TMCO4: variants seen among roughly 807,000 people sequenced by gnomAD.
The protein encoded by TMCO4 is transmembrane and coiled-coil domain-containing protein 4.
In TMCO4, 58 loss-of-function variants were observed where a neutral mutation model predicts 64.7. That is an observed-to-expected ratio of 0.90 (90% CI 0.73 to 1.12). TMCO4 has a LOEUF of 1.12. TMCO4 is among the 50% of genes most tolerant of loss of function. The pLI is 0.00. For synonymous variants in TMCO4, 325 were observed against 346.1 expected (o/e 0.94, Z 0.68); for missense variants, 780 against 825.9 (o/e 0.94, Z 0.68).
At chr1:19,723,928 T>G (rs1197603686) in intron 13 of TMCO4, among the ~76,000 whole-genome samples, 1 of 152,182 alleles carries the variant, frequency 6.6e-6, no homozygotes, top group East Asian at 1.9e-4. Context: ...CTGCCTTCTT[T>G]AAATAACAGA....
intron 15 of TMCO4, among the ~76,000 whole-genome samples, chr1:19,688,669 G>A (rs1411309613): frequency 6.6e-6 from 1 of 152,148 alleles, no homozygotes; most frequent in Non-Finnish European, 1.5e-5. Context: ...AGGTTCATCC[G>A]GCTCTACCAC....
intron 6 of TMCO4, among the ~76,000 whole-genome samples, chr1:19,769,199 G>A (rs56037228): frequency 0.12 from 17,822 of 152,086 alleles, 1,141 homozygotes; most frequent in Non-Finnish European, 0.13. Context: ...TGCAGCTGGC[G>A]CCAGACCACT....
At chr1:19,717,681 C>T (rs751118392) in intron 13 of TMCO4, among the ~76,000 whole-genome samples, 14 of 152,084 alleles carry the variant, frequency 9.2e-5, no homozygotes, top group East Asian at 1.9e-4. Context: ...CTGCCTGCCT[C>T]GAAGCCTCTC....
At chr1:19,748,685 C>T (rs540700997) in intron 7 of TMCO4, among the ~76,000 whole-genome samples, 2 of 152,122 alleles carry the variant, frequency 1.3e-5, no homozygotes, top group East Asian at 1.9e-4. Context: ...ATTAGCCAGG[C>T]GTGGGGGCAG....
Position 19,682,383 on chromosome 1 carries a change from TAGTG to T in TMCO4, c.*653_*656del. 1 of 521,574 alleles carries T rather than the reference TAGTG, an allele frequency of 1.9e-6. No homozygotes were observed. The highest frequency in any genetic ancestry group is 1.9e-5 in the African/African-American group (1 of 52,934). The allele number at this position is 521,574 out of a possible 1,614,324, so 32.3% of individuals were successfully genotyped here. A position where few individuals can be genotyped will look rare whatever the true frequency, so the allele number is the denominator to read the frequency against. On this transcript the variant is annotated 3_prime_UTR_variant, in exon 16 of 16. Coordinates refer to ENST00000294543, the MANE Select transcript of TMCO4 (RefSeq NM_181719.7). ...TCAGCATGTATTCACCATGCTCTGT[TAGTG>T]GTGTCCAGATGTTGCATGACGGGGG...
intron 13 of TMCO4, among the ~76,000 whole-genome samples, chr1:19,704,714 C>T (rs2095293369): frequency 6.6e-6 from 1 of 152,172 alleles, no homozygotes; most frequent in South Asian, 2.1e-4. Context: ...AGGGCTGGGA[C>T]CCCTTGTGGC....
chr1:19,747,064 C>G, intron 8 of TMCO4, 99 bp downstream of exon 8: 1 of 1,243,978 alleles, frequency 8.0e-7, no homozygotes. Flanking sequence ...GGGCCACCTC[C>G]CAGCTGAGCC....
At chr1:19,799,641 C>T (rs2044504081) in intron 1 of TMCO4, among the ~76,000 whole-genome samples, 1 of 152,246 alleles carries the variant, frequency 6.6e-6, no homozygotes, top group South Asian at 2.1e-4. Context: ...AACAAACCAA[C>T]CACCAGCAGG....
intron 15 of TMCO4, among the ~76,000 whole-genome samples, chr1:19,684,766 A>G (rs1048134516): frequency 1.2e-4 from 19 of 152,172 alleles, no homozygotes; most frequent in African/African-American, 4.6e-4. Flanking sequence ...CCATGAGTTG[A>G]AGCGGTAGTG....
intron 6 of TMCO4, among the ~76,000 whole-genome samples, chr1:19,757,603 C>G (rs1057291613): frequency 2.0e-5 from 3 of 152,134 alleles, no homozygotes; most frequent in African/African-American, 7.2e-5. Context: ...AACCCTTGAC[C>G]TGGCTCAACC....
chr1:19,696,332 T>C (rs914266412), intron 14 of TMCO4, among the ~76,000 whole-genome samples: 1 of 152,014 alleles, frequency 6.6e-6, no homozygotes, highest in Admixed American at 6.6e-5. Flanking sequence ...GGAGGATTGC[T>C]CGGGCCCAGG....
At chr1:19,735,456 A>G (rs549549851) in intron 13 of TMCO4, among the ~76,000 whole-genome samples, 2 of 152,268 alleles carry the variant, frequency 1.3e-5, no homozygotes, top group African/African-American at 4.8e-5. Context: ...CAGGGGTGGG[A>G]GCAGCGAGCA....
chr1:19,786,156 G>A (rs2043732267), intron 3 of TMCO4, among the ~76,000 whole-genome samples: 1 of 152,168 alleles, frequency 6.6e-6, no homozygotes, highest in Non-Finnish European at 1.5e-5. Flanking sequence ...TATGAGGCAG[G>A]AGCATCGCTT....
intron 13 of TMCO4, among the ~76,000 whole-genome samples, chr1:19,716,913 C>A (rs927335430): frequency 5.9e-5 from 9 of 152,122 alleles, no homozygotes; most frequent in Admixed American, 2.6e-4. Context: ...CAGGGCCGGG[C>A]GCGGTGGCTC....
At chr1:19,740,463 A>G (rs1209718382) in intron 11 of TMCO4, among the ~76,000 whole-genome samples, 1 of 152,140 alleles carries the variant, frequency 6.6e-6, no homozygotes, top group African/African-American at 2.4e-5. Context: ...TGGTTGGCTG[A>G]CCCACAGGCC....
At chr1:19,763,044 T>C (rs978468410) in intron 6 of TMCO4, among the ~76,000 whole-genome samples, 1 of 152,166 alleles carries the variant, frequency 6.6e-6, no homozygotes, top group African/African-American at 2.4e-5. Context: ...AGTTTCTTCA[T>C]CTGCAAAAGG....
At position 19,751,824 on chromosome 1, in the gene TMCO4, G is replaced by A. The variant is rs375762100; in HGVS notation, c.515+3810C>T. Reference sequence around the variant, plus strand: ...AGCACTTTGGGAGGCCAAGGCGGGTGGATCACGAGGTCAGGAGATCGAGAC... The same window carrying A: ...AGCACTTTGGGAGGCCAAGGCGGGTAGATCACGAGGTCAGGAGATCGAGAC... On this transcript the variant is annotated intron_variant, in intron 7 of 15. Transcript: ENST00000294543. Among the ~76,000 whole-genome samples the A allele has an allele frequency of 5.1e-4, 77 of 152,272 alleles. No homozygotes were observed. The East Asian group carries it at 0.012, about 23-fold the overall frequency.
chr1:19,696,390 A>T (rs772589494), intron 14 of TMCO4, among the ~76,000 whole-genome samples: 5 of 151,052 alleles, frequency 3.3e-5, no homozygotes, highest in Non-Finnish European at 5.9e-5. Context: ...TCTCTACAAA[A>T]CACACAAAAA....
chr1:19,697,424 A>G (rs943511740), intron 14 of TMCO4, among the ~76,000 whole-genome samples: 2 of 146,202 alleles, frequency 1.4e-5, no homozygotes, highest in African/African-American at 5.1e-5. Context: ...TGCCTGGCTA[A>G]TTTTTGTATT....
Sources: allele counts gnomAD v4.1 joint callset (sites outside exome capture counted in the v4.1 genomes callset), GRCh38; gene constraint gnomAD v4.1.1; transcripts MANE v1.5; gene names NCBI Gene and HGNC (gene_info 2026-07-23, HGNC 2026-07-21).